CFAP77: variants seen among roughly 807,000 people sequenced by gnomAD.
CFAP77 encodes cilia- and flagella-associated protein 77.
Under a neutral mutation model 31.1 loss-of-function variants are expected in CFAP77, and 25 were observed. The ratio of observed to expected loss-of-function variants is 0.80; its 90% CI spans 0.59 to 1.12. The LOEUF (loss-of-function observed/expected upper bound fraction) is 1.12, where lower values mean the gene tolerates loss of function less well. Ranked by LOEUF, CFAP77 falls within the 50% of genes most tolerant of loss-of-function variation. The probability of loss-of-function intolerance (pLI) is 0.00; values close to 1 mark genes in which losing one functional copy is unlikely to be tolerated. For missense variants in CFAP77, 377 were observed against 397.3 expected (o/e 0.95, Z 0.44); for synonymous variants, 151 against 159.9 (o/e 0.94, Z 0.42).
intron 3 of CFAP77, among the ~76,000 whole-genome samples, chr9:132,512,478 C>T (rs563919431): frequency 2.6e-5 from 4 of 152,158 alleles, no homozygotes; most frequent in Non-Finnish European, 5.9e-5. Flanking sequence ...CTCTAATCAT[C>T]GAAGCATCTT....
chr9:132,464,834 G>A (rs1364076712), intron 1 of CFAP77, among the ~76,000 whole-genome samples: 1 of 152,148 alleles, frequency 6.6e-6, no homozygotes, highest in African/African-American at 2.4e-5. Context: ...GCTCATGCCT[G>A]TAATCCTAGC....
chr9:132,417,965 T>C (rs1020890553), intron 1 of CFAP77, among the ~76,000 whole-genome samples: 52 of 152,270 alleles, frequency 3.4e-4, no homozygotes, highest in African/African-American at 1.2e-3. Context: ...TAGTTGCGAG[T>C]GAAACCATCC....
At chr9:132,516,416 G>A (rs1317145166) in intron 3 of CFAP77, among the ~76,000 whole-genome samples, 1 of 152,098 alleles carries the variant, frequency 6.6e-6, no homozygotes, top group Non-Finnish European at 1.5e-5. Flanking sequence ...TTCCTGTCTA[G>A]TAGGTTTCTT....
rs2131691528 is a variant in CFAP77 at position 132,431,396 on chromosome 9, GACTC to G, written c.195+20935_195+20938del. Among the ~76,000 whole-genome samples, 3 of 152,286 alleles carry G rather than the reference GACTC, an allele frequency of 2.0e-5. No individual in the cohort carries two copies. The South Asian group carries it at 6.2e-4, about 32-fold the overall frequency. ...GACATGCAAAGAAATAGGAAAATATGACTCACTCTCAAGTGAAAACATATAGAAT... is the reference window on the plus strand; with the variant it reads ...GACATGCAAAGAAATAGGAAAATATGACTCTCAAGTGAAAACATATAGAAT... On this transcript the variant is annotated intron_variant, in intron 1 of 5. Coordinates refer to ENST00000393216, the MANE Select transcript of CFAP77 (RefSeq NM_001282957.2).
intron 1 of CFAP77, among the ~76,000 whole-genome samples, chr9:132,422,243 A>G (rs1850229670): frequency 6.6e-6 from 1 of 152,200 alleles, no homozygotes; most frequent in African/African-American, 2.4e-5. Context: ...TCCCAACCTC[A>G]GGTGATCTGC....
chr9:132,444,090 C>G (rs1412240202), intron 1 of CFAP77, among the ~76,000 whole-genome samples: 1 of 152,232 alleles, frequency 6.6e-6, no homozygotes, highest in African/African-American at 2.4e-5. Context: ...GGTGAAGGCT[C>G]CACCTCGTCC....
intron 1 of CFAP77, among the ~76,000 whole-genome samples, chr9:132,496,483 C>T (rs916985449): frequency 3.9e-5 from 6 of 152,228 alleles, no homozygotes; most frequent in South Asian, 2.1e-4. Flanking sequence ...TTAGCCATCA[C>T]GGCTACAATC....
chr9:132,538,887 A>G (rs1852591810), intron 4 of CFAP77, among the ~76,000 whole-genome samples: 1 of 152,086 alleles, frequency 6.6e-6, no homozygotes, highest in African/African-American at 2.4e-5. Context: ...GGAGATCGAG[A>G]CCATCCTGGC....
chr9:132,557,327 G>A (rs532553777), intron 5 of CFAP77, among the ~76,000 whole-genome samples: 17 of 152,322 alleles, frequency 1.1e-4, no homozygotes, highest in South Asian at 4.1e-4. Flanking sequence ...ATGCTTCCAC[G>A]GCTTCCCGGC....
rs992249198 is a variant in CFAP77, at chr9:132,458,350, G to GT, written c.196-40345_196-40344insT. ...CACCTTTGTCTCCCTGGCGGGGGAG[G>GT]GGGGGGGGTGTGTATGGAAGGCTCA... On this transcript the variant is annotated intron_variant, in intron 1 of 5. Coordinates refer to ENST00000393216, the MANE Select transcript of CFAP77 (RefSeq NM_001282957.2). 2.6e-4 allele frequency among the ~76,000 whole-genome samples: 35 copies of GT among 136,538 alleles called. 4 individuals are homozygous for GT. The highest frequency in any genetic ancestry group is 3.7e-4 in the Admixed American group (5 of 13,484). 89.6% of individuals were successfully genotyped at this position (136,538 alleles called of 152,430 possible). A position where few individuals can be genotyped will look rare whatever the true frequency, so the allele number is the denominator to read the frequency against.
At chr9:132,567,639 G>T (rs1343031490) in intron 5 of CFAP77, among the ~76,000 whole-genome samples, 2 of 152,290 alleles carry the variant, frequency 1.3e-5, no homozygotes, top group South Asian at 4.1e-4. Context: ...ATAACAAATT[G>T]TCACAAACCT....
chr9:132,437,851 T>A (rs1850537315), intron 1 of CFAP77, among the ~76,000 whole-genome samples: 1 of 150,484 alleles, frequency 6.6e-6, no homozygotes, highest in Non-Finnish European at 1.5e-5. Flanking sequence ...GTGTGGAAAA[T>A]GGGTATATAG....
intron 1 of CFAP77, among the ~76,000 whole-genome samples, chr9:132,448,127 G>A (rs1850760079): frequency 1.3e-5 from 2 of 152,072 alleles, no homozygotes; most frequent in South Asian, 4.1e-4. Context: ...GAAATGGGGA[G>A]AGGGAAGAAG....
chr9:132,567,323 G>A (rs1394824274), intron 5 of CFAP77, among the ~76,000 whole-genome samples: 1 of 152,240 alleles, frequency 6.6e-6, no homozygotes, highest in Non-Finnish European at 1.5e-5. Context: ...GCACACAGTA[G>A]GTACTTAATA....
At chr9:132,417,657 C>T (rs990571884) in intron 1 of CFAP77, among the ~76,000 whole-genome samples, 3 of 152,268 alleles carry the variant, frequency 2.0e-5, no homozygotes, top group Non-Finnish European at 4.4e-5. Flanking sequence ...TAGTTAGCAC[C>T]CCAGCATGGG....
intron 5 of CFAP77, among the ~76,000 whole-genome samples, chr9:132,548,739 C>T (rs925726552): frequency 2.0e-5 from 3 of 151,408 alleles, no homozygotes; most frequent in Admixed American, 1.3e-4. Flanking sequence ...CCTCCCCCCA[C>T]AGTCCTTGTC....
At chr9:132,537,531 C>T (rs992534336) in intron 3 of CFAP77, 70 bp from the exon 4 acceptor site, 42 of 1,138,494 alleles carry the variant, frequency 3.7e-5, no homozygotes, top group African/African-American at 3.2e-4. Flanking sequence ...CTCCCGGGGG[C>T]GGGCGGTGGG....
chr9:132,464,927 CG>C (rs1851123305), intron 1 of CFAP77, among the ~76,000 whole-genome samples: 2 of 151,688 alleles, frequency 1.3e-5, no homozygotes, highest in African/African-American at 4.8e-5. Context: ...AAAAATTAAC[CG>C]GGTGTGCTGG....
At chr9:132,519,820 A>ATGAATGGGTGGG (rs1852236285) in intron 3 of CFAP77, among the ~76,000 whole-genome samples, 1 of 26,842 alleles carries the variant, frequency 3.7e-5, no homozygotes, top group Non-Finnish European at 6.3e-5. Flanking sequence ...GGGTGGATGG[A>ATGAATGGGTGGG]TGGATGGATG....
Sources: allele counts gnomAD v4.1 joint callset (sites outside exome capture counted in the v4.1 genomes callset), GRCh38; gene constraint gnomAD v4.1.1; transcripts MANE v1.5; gene names NCBI Gene and HGNC (gene_info 2026-07-23, HGNC 2026-07-21).